Variants in HNF4G observed in about 807,000 individuals in gnomAD.
HNF4G encodes the protein hepatocyte nuclear factor 4-gamma.
Under a neutral mutation model 50.9 loss-of-function variants are expected in HNF4G, and 21 were observed. The ratio of observed to expected loss-of-function variants is 0.41; its 90% CI spans 0.29 to 0.59. HNF4G has a LOEUF of 0.59. HNF4G is among the 20% of genes least tolerant of loss of function. HNF4G has a pLI of 0.26. For missense variants in HNF4G, 527 were observed against 559.4 expected, an observed-to-expected ratio of 0.94 and a Z score of 0.58; for synonymous variants, 198 against 185.6, an observed-to-expected ratio of 1.07 and a Z score of -0.54.
intron 1 of HNF4G, among the ~76,000 whole-genome samples, chr8:75,435,008 TCTTA>T (rs1017342101): frequency 2.0e-5 from 3 of 152,132 alleles, no homozygotes; most frequent in Non-Finnish European, 2.9e-5. Flanking sequence ...ATAATTTCAG[TCTTA>T]CTTTAACTCT....
At chr8:75,509,246 G>T (rs1207741088) in intron 2 of HNF4G, among the ~76,000 whole-genome samples, 1 of 152,132 alleles carries the variant, frequency 6.6e-6, no homozygotes, top group Admixed American at 6.5e-5. Flanking sequence ...AGTGTAAAGG[G>T]AAGTTTTCAT....
rs769058420 is a variant in HNF4G, at chr8:75,564,104, T to A, written c.*8T>A. On this transcript the variant is annotated 3_prime_UTR_variant, in exon 10 of 10. Transcript: ENST00000396423. Reference sequence around the variant, plus strand: ...AAACAAAAGCAATTGTGAAAATGTGTTTACTTCAGAACGGCACTACATAAA... The same window carrying A: ...AAACAAAAGCAATTGTGAAAATGTGATTACTTCAGAACGGCACTACATAAA... 3.1e-6 allele frequency: 5 copies of A among 1,612,858 alleles called. No individual in the cohort carries two copies. Among genetic ancestry groups the A allele is most frequent in the South Asian group, 1.1e-5 (1 of 91,012 alleles).
At chr8:75,546,911 A>G (rs1180569686) in intron 2 of HNF4G, among the ~76,000 whole-genome samples, 1 of 152,144 alleles carries the variant, frequency 6.6e-6, no homozygotes, top group African/African-American at 2.4e-5. Flanking sequence ...GGGTTATACT[A>G]TAACTTTATG....
chr8:75,409,333 G>A (rs1294619297), intron 1 of HNF4G, among the ~76,000 whole-genome samples: 1 of 151,974 alleles, frequency 6.6e-6, no homozygotes, highest in Non-Finnish European at 1.5e-5. Context: ...TTTTAGTAAA[G>A]TGTGTTTATT....
At chr8:75,485,772 G>T (rs995815012) in intron 1 of HNF4G, 4 of 151,884 alleles carry the variant, frequency 2.6e-5, no homozygotes, top group Non-Finnish European at 5.9e-5. Context: ...TTTTATTTTG[G>T]TTTTTCTTCC....
intron 2 of HNF4G, among the ~76,000 whole-genome samples, chr8:75,517,852 C>T (rs1206242353): frequency 6.6e-6 from 1 of 152,124 alleles, no homozygotes; most frequent in Non-Finnish European, 1.5e-5. Flanking sequence ...TCTGACCTCA[C>T]ATTCTCCTTC....
At position 75,553,100 on chromosome 8, in the gene HNF4G, T is replaced by A. The variant is rs1453014706; in HGVS notation, c.548T>A (p.Ile183Asn). Residue 183 changes from isoleucine to asparagine, a missense_variant, in exon 5 of 10, where the codon ATT (isoleucine) becomes AAT (asparagine). Coordinates refer to ENST00000396423, the MANE Select transcript of HNF4G (RefSeq NM_004133.5). ...ATAAACGTTAAGAAAATTGCAAGTA[T>A]TGGTGATGTCTGTGAATCTATGAAA... ...TDINVKKIAS[I>N]GDVCESMKQQ... The A allele has an allele frequency of 6.2e-7, 1 of 1,612,770 alleles. No homozygotes were observed. Among genetic ancestry groups the A allele is most frequent in the Non-Finnish European group, 8.5e-7 (1 of 1,179,032 alleles).
At chr8:75,559,837 A>C (rs1807254673) in intron 8 of HNF4G, among the ~76,000 whole-genome samples, 1 of 152,212 alleles carries the variant, frequency 6.6e-6, no homozygotes, top group Non-Finnish European at 1.5e-5. Flanking sequence ...AATAGTAGAA[A>C]GGGAAAATGA....
At chr8:75,538,236 C>G (rs1806521704), upstream of HNF4G, among the ~76,000 whole-genome samples, 1 of 152,154 alleles carries the variant, frequency 6.6e-6, no homozygotes, top group African/African-American at 2.4e-5. Flanking sequence ...CTAATTGCTA[C>G]TTGAAGATCT....
upstream of HNF4G, among the ~76,000 whole-genome samples, chr8:75,536,355 T>A (rs1326515524): frequency 6.6e-6 from 1 of 152,042 alleles, no homozygotes; most frequent in African/African-American, 2.4e-5. Context: ...AAAGCACTCA[T>A]AAATTTCTGT....
intron 2 of HNF4G, among the ~76,000 whole-genome samples, chr8:75,523,075 A>G (rs1806087760): frequency 6.6e-6 from 1 of 151,954 alleles, no homozygotes. Context: ...AATACAGAAA[A>G]TTAGCCGAGC....
At chr8:75,443,957 G>A (rs933737296) in intron 1 of HNF4G, among the ~76,000 whole-genome samples, 4 of 151,934 alleles carry the variant, frequency 2.6e-5, no homozygotes, top group African/African-American at 7.3e-5. Context: ...TATGATACTG[G>A]TTTGAGAAAT....
At position 75,421,030 on chromosome 8, in the gene HNF4G, C is replaced by T. The variant is rs185295137; in HGVS notation, c.-144+12868C>T. On this transcript the variant is annotated intron_variant, in intron 1 of 10. Transcript: ENST00000354370. ...ACTTTTAGTTCTCTTATAGCCACATCGCAGGTAAGTAGAAACAAAGGAAAG... is the reference window on the plus strand; with the variant it reads ...ACTTTTAGTTCTCTTATAGCCACATTGCAGGTAAGTAGAAACAAAGGAAAG... Among the ~76,000 whole-genome samples the T allele has an allele frequency of 3.3e-5, 5 of 152,218 alleles. 1 individual carries two copies. The highest frequency in any genetic ancestry group is 2.9e-5 in the Non-Finnish European group (2 of 68,030).
At chr8:75,489,631 G>C (rs570041943) in intron 1 of HNF4G, among the ~76,000 whole-genome samples, 26 of 152,304 alleles carry the variant, frequency 1.7e-4, no homozygotes, top group African/African-American at 5.8e-4. Flanking sequence ...CTAAGACCAT[G>C]GTTGAGTTTT....
chr8:75,458,634 T>C (rs1358255439), intron 1 of HNF4G, among the ~76,000 whole-genome samples: 4 of 152,140 alleles, frequency 2.6e-5, no homozygotes, highest in Non-Finnish European at 5.9e-5. Context: ...CTTAATGTCT[T>C]TGTTTCCTAA....
At chr8:75,523,694 A>AT (rs1235930399) in intron 2 of HNF4G, among the ~76,000 whole-genome samples, 2 of 152,106 alleles carry the variant, frequency 1.3e-5, no homozygotes, top group African/African-American at 4.8e-5. Flanking sequence ...GATGCAATGA[A>AT]TTTTTTAAAA....
chr8:75,534,690 A>G (rs548577248), intron 2 of HNF4G, among the ~76,000 whole-genome samples: 1 of 151,886 alleles, frequency 6.6e-6, no homozygotes, highest in Non-Finnish European at 1.5e-5. Flanking sequence ...CAAGGTGCTT[A>G]TGTATTTCTG....
intron 2 of HNF4G, among the ~76,000 whole-genome samples, chr8:75,494,068 A>G (rs1406728670): frequency 2.6e-5 from 4 of 152,202 alleles, no homozygotes; most frequent in African/African-American, 4.8e-5. Flanking sequence ...CTGAATGATT[A>G]TAAACTTACA....
At chr8:75,437,078 G>A (rs1811157735) in intron 1 of HNF4G, among the ~76,000 whole-genome samples, 1 of 152,134 alleles carries the variant, frequency 6.6e-6, no homozygotes, top group African/African-American at 2.4e-5. Context: ...AAACTTGTAG[G>A]TGAACAGACA....
Sources: gnomAD v4.1 joint callset for allele counts (sites outside exome capture counted in the v4.1 genomes callset) on GRCh38, gnomAD v4.1.1 for gene constraint, MANE v1.5 for transcripts, NCBI Gene and HGNC (gene_info 2026-07-23, HGNC 2026-07-21) for gene names.